KIF26B: variants seen among roughly 807,000 people sequenced by gnomAD.
The protein encoded by KIF26B is kinesin-like protein KIF26B.
KIF26B carries 63 observed loss-of-function variants against 151.2 expected under a neutral mutation model. The ratio of observed to expected loss-of-function variants is 0.42; its 90% CI spans 0.34 to 0.51. The LOEUF (loss-of-function observed/expected upper bound fraction) is 0.51, where lower values mean the gene tolerates loss of function less well. Among genes scored for constraint, KIF26B ranks in the 20% least tolerant of loss-of-function variants. The probability of loss-of-function intolerance (pLI) is 0.07; values close to 1 mark genes in which losing one functional copy is unlikely to be tolerated. For synonymous variants in KIF26B, 1,357 were observed against 1,262.1 expected (o/e 1.08, Z -1.59); for missense variants, 2,813 against 2,913.6 (o/e 0.97, Z 0.79).
intron 5 of KIF26B, among the ~76,000 whole-genome samples, chr1:245,599,792 G>A (rs777942506): frequency 2.6e-5 from 4 of 152,118 alleles, no homozygotes; most frequent in Non-Finnish European, 5.9e-5. Flanking sequence ...GTAGGAATGA[G>A]TGGAACTGAA....
In KIF26B at chr1:245,218,488, G is replaced by A. The variant is rs1669694628; in HGVS notation, c.465+61805G>A. On this transcript the variant is annotated intron_variant, in intron 2 of 14. Transcript: ENST00000407071. The surrounding 1 kb of genome is among the most constrained non-coding windows in gnomAD (Gnocchi z 4.1). ...GAGGGTGAGTGAGGAAAAAGCAGGA[G>A]GGTATTGGGTGTGGGGCCGATGGTT... Among the ~76,000 whole-genome samples, 1 of 152,214 alleles carries A rather than the reference G, an allele frequency of 6.6e-6. No individual in the cohort carries two copies.
chr1:245,219,127 CTTTTTTTTTTTTTTTTT>C (rs1166578525), intron 2 of KIF26B, among the ~76,000 whole-genome samples: 6 of 56,144 alleles, frequency 1.1e-4, no homozygotes, highest in Admixed American at 3.1e-4. Flanking sequence ...ATACCTACCT[CTTTTTTTTTTTTTTTTT>C]TTTTTTTTTT....
At chr1:245,619,603 C>CA (rs34022501) in intron 9 of KIF26B, among the ~76,000 whole-genome samples, 35,010 of 110,524 alleles carry the variant, frequency 0.32, 5,641 homozygotes, top group East Asian at 0.48. Flanking sequence ...GAAACTGTTT[C>CA]AAAAAAAAAA....
At chr1:245,578,246 G>C (rs1445753719) in intron 5 of KIF26B, among the ~76,000 whole-genome samples, 1 of 152,232 alleles carries the variant, frequency 6.6e-6, no homozygotes, top group Non-Finnish European at 1.5e-5. Context: ...CATGAATGCT[G>C]ACCCTCCACA....
Position 245,498,405 on chromosome 1 carries a change from G to A in KIF26B, c.1167-42362G>A, listed in dbSNP as rs189820642. ...CGCCAGCAAACATCTTCACTGGAGA[G>A]GCAGCTGGGTTAAGGAAGAACATGC... is the stretch of plus-strand genomic sequence containing the variant. On this transcript the variant is annotated intron_variant, in intron 4 of 14. Coordinates refer to ENST00000407071, the MANE Select transcript of KIF26B (RefSeq NM_018012.4). Among the ~76,000 whole-genome samples, 3 of 152,292 alleles carry A rather than the reference G, an allele frequency of 2.0e-5. No individual in the cohort carries two copies. In the East Asian group the frequency reaches 5.8e-4, roughly 29 times the overall value.
At chr1:245,293,582 T>C (rs1391870824) in intron 2 of KIF26B, among the ~76,000 whole-genome samples, 1 of 112,522 alleles carries the variant, frequency 8.9e-6, no homozygotes, top group African/African-American at 4.4e-5. Context: ...TCTTTCCTTT[T>C]TTTTTTTTTT....
intron 2 of KIF26B, among the ~76,000 whole-genome samples, chr1:245,363,745 G>A (rs963608236): frequency 6.6e-6 from 1 of 152,198 alleles, no homozygotes; most frequent in Admixed American, 6.5e-5. Context: ...GCCAGCAACC[G>A]CATTTTCATT....
At position 245,516,982 on chromosome 1, in the gene KIF26B, G is replaced by A. The variant is rs1046973785; in HGVS notation, c.1167-23785G>A. Among the ~76,000 whole-genome samples, 1 of 152,232 alleles carries A rather than the reference G, an allele frequency of 6.6e-6. No individual in the cohort carries two copies. The highest frequency in any genetic ancestry group is 6.5e-5 in the Admixed American group (1 of 15,282). ...CCCCCACCTGACCATGGTCGCAGTG[G>A]GGGGCTTTCTCTTGGTATTTAATTA... On this transcript the variant is annotated intron_variant, in intron 4 of 14. Transcript: ENST00000407071. The surrounding 1 kb of genome is among the most constrained non-coding windows in gnomAD (Gnocchi z 4.2).
chr1:245,382,594 G>A (rs971510905), intron 3 of KIF26B, among the ~76,000 whole-genome samples: 1 of 151,898 alleles, frequency 6.6e-6, no homozygotes, highest in East Asian at 1.9e-4. Flanking sequence ...TTGAGGCAGA[G>A]TTTCATTCTT....
chr1:245,504,053 C>G (rs1660678080), intron 4 of KIF26B, among the ~76,000 whole-genome samples: 1 of 152,166 alleles, frequency 6.6e-6, no homozygotes, highest in Non-Finnish European at 1.5e-5. Context: ...GAATAAAGTA[C>G]TAGTTCCCAA....
In KIF26B at chr1:245,698,844, G is replaced by T. The variant is rs751468524; in HGVS notation, c.6028-43G>T. 6.3e-7 allele frequency: 1 copy of T among 1,595,168 alleles called. No individual in the cohort carries two copies. The highest frequency in any genetic ancestry group is 1.1e-5 in the South Asian group (1 of 88,322). ...CAGGTGCTCCTGTGGTGTGGGCTGG[G>T]TGTGAGCAGAAGGGCCCTTTCTCCT... On this transcript the variant is annotated intron_variant, in intron 13 of 14. Coordinates refer to ENST00000407071, the MANE Select transcript of KIF26B (RefSeq NM_018012.4). This position sits in a 1 kb window ranked among gnomAD's most constrained non-coding sequence, Gnocchi z 4.0.
At position 245,617,084 on chromosome 1, in the gene KIF26B, T is replaced by TTTTGTTTG. The variant is rs139746401; in HGVS notation, c.2098+5128_2098+5135dup. ...TCTCATCAGACTCTTTAATCTGTTT[T>TTTTGTTTG]TTTGTTTGTTTGTTTGTTTGTTTGT... On this transcript the variant is annotated intron_variant, in intron 9 of 14. Coordinates refer to ENST00000407071, the MANE Select transcript of KIF26B (RefSeq NM_018012.4). Among the ~76,000 whole-genome samples the TTTTGTTTG allele has an allele frequency of 9.1e-3, 1,370 of 150,992 alleles. 16 individuals carry two copies. The highest frequency in any genetic ancestry group is 0.031 in the African/African-American group (1,283 of 40,754).
At position 245,650,338 on chromosome 1, in the gene KIF26B, A is replaced by G. The variant is rs531430307; in HGVS notation, c.2258+4058A>G. ...TCCCATTTAATGGATAAGAAAAAAT[A>G]GGCAGAAGCGTTGAAATGACTTCTC... On this transcript the variant is annotated intron_variant, in intron 10 of 14. Coordinates refer to ENST00000407071, the MANE Select transcript of KIF26B (RefSeq NM_018012.4). Among the ~76,000 whole-genome samples, 124 of 152,386 alleles carry G rather than the reference A, an allele frequency of 8.1e-4. No homozygotes were observed. The Middle Eastern group carries it at 0.01, about 13-fold the overall frequency.
chr1:245,534,363 A>T (rs1356436371), intron 4 of KIF26B, among the ~76,000 whole-genome samples: 1 of 151,982 alleles, frequency 6.6e-6, no homozygotes, highest in Non-Finnish European at 1.5e-5. Flanking sequence ...GGGTTTCACC[A>T]TGTTAGCCAG....
At chr1:245,632,528 C>T (rs543393336) in intron 9 of KIF26B, among the ~76,000 whole-genome samples, 2 of 152,274 alleles carry the variant, frequency 1.3e-5, no homozygotes, top group South Asian at 2.1e-4. Context: ...AATATCTGTT[C>T]GATCCATTTG....
At chr1:245,289,657 G>C (rs1671223850) in intron 2 of KIF26B, among the ~76,000 whole-genome samples, 1 of 150,022 alleles carries the variant, frequency 6.7e-6, no homozygotes, top group South Asian at 2.1e-4. Context: ...TTCCTTTTTT[G>C]GGGGTGGAGG....
chr1:245,562,135 C>T (rs1339057014), intron 5 of KIF26B, among the ~76,000 whole-genome samples: 1 of 152,074 alleles, frequency 6.6e-6, no homozygotes, highest in African/African-American at 2.4e-5. Context: ...AGACTTAAAG[C>T]ACTTCTCAGC....
chr1:245,303,441 G>T (rs1038926499), intron 2 of KIF26B, among the ~76,000 whole-genome samples: 5 of 150,476 alleles, frequency 3.3e-5, no homozygotes, highest in Admixed American at 2.6e-4. Context: ...CTCGTGATCC[G>T]CCCGCCTCGG....
chr1:245,562,430 C>T (rs538954519), intron 5 of KIF26B, among the ~76,000 whole-genome samples: 9 of 152,226 alleles, frequency 5.9e-5, no homozygotes, highest in South Asian at 2.1e-4. Context: ...TCCGTGGTGA[C>T]GGCACATCCT....
Sources: allele counts gnomAD v4.1 joint callset (sites outside exome capture counted in the v4.1 genomes callset), GRCh38; gene constraint gnomAD v4.1.1; non-coding constraint Gnocchi (gnomAD v3.1); transcripts MANE v1.5; gene names NCBI Gene and HGNC (gene_info 2026-07-23, HGNC 2026-07-21).